The following RIC3 variants were observed in gnomAD, a reference collection of about 807,000 sequenced individuals.
The protein encoded by RIC3 is protein RIC-3.
A neutral mutation model predicts 27.3 loss-of-function variants in RIC3; 28 were observed. The observed-to-expected ratio is 1.02, with a 90% CI of 0.76 to 1.41. RIC3 has a LOEUF of 1.41. Ranked by LOEUF, RIC3 falls within the 40% of genes most tolerant of loss-of-function variation. RIC3 has a pLI of 0.00. For missense variants in RIC3, 501 were observed against 444.7 expected (o/e 1.13, Z -1.14); for synonymous variants, 184 against 160.4 (o/e 1.15, Z -1.11).
chr11:8,093,888 G>A, the RIC3 span, among the ~76,000 whole-genome samples: 9,641 of 152,242 alleles, frequency 0.063, 389 homozygotes, highest in African/African-American at 0.11. Context: ...GTAGAGATGA[G>A]TGGGCCTGAT....
chr11:8,165,388 T>C (rs906808813), intron 1 of RIC3, among the ~76,000 whole-genome samples: 1 of 147,990 alleles, frequency 6.8e-6, no homozygotes, highest in Non-Finnish European at 1.5e-5. Context: ...ACAACATGGA[T>C]GAACCTTGAA....
chr11:8,143,223 A>C (rs1179441462), intron 1 of RIC3, among the ~76,000 whole-genome samples: 3 of 151,214 alleles, frequency 2.0e-5, no homozygotes, highest in African/African-American at 7.3e-5. Flanking sequence ...AATTAGGAAA[A>C]GAGGAAGTCA....
downstream of RIC3, chr11:8,101,803 A>T (rs1590004082): frequency 9.1e-5 from 80 of 874,914 alleles, no homozygotes; most frequent in Non-Finnish European, 1.0e-4. Flanking sequence ...GAGGCAGGGG[A>T]GTAGTGGAGA....
At chr11:8,098,954 C>A in the RIC3 span, 1 of 1,058,038 alleles carries the variant, frequency 9.5e-7, no homozygotes, top group Non-Finnish European at 1.5e-6. Context: ...TAGGGGCTAT[C>A]CCATCCATCT....
intron 4 of RIC3, among the ~76,000 whole-genome samples, chr11:8,131,090 A>C (rs756054368): frequency 6.8e-6 from 1 of 146,078 alleles, no homozygotes; most frequent in Non-Finnish European, 1.5e-5. Flanking sequence ...CCTGTATCAA[A>C]AATAGGCATT....
At chr11:8,115,594 G>A (rs1247634671) in intron 5 of RIC3, among the ~76,000 whole-genome samples, 1 of 152,114 alleles carries the variant, frequency 6.6e-6, no homozygotes, top group African/African-American at 2.4e-5. Context: ...GATCACCTGA[G>A]GTCAGGAGTT....
chr11:8,143,336 G>A (rs991700273), intron 1 of RIC3, among the ~76,000 whole-genome samples: 1 of 151,512 alleles, frequency 6.6e-6, no homozygotes, highest in African/African-American at 2.4e-5. Context: ...AAAGTCTCAG[G>A]ATACAAAATC....
intron 5 of RIC3, among the ~76,000 whole-genome samples, chr11:8,122,180 T>C (rs960642842): frequency 1.3e-5 from 2 of 152,210 alleles, no homozygotes; most frequent in African/African-American, 2.4e-5. Flanking sequence ...ATAGTCAGTA[T>C]ACAGAACATT....
chr11:8,168,688 G>T (rs1456636243), intron 1 of RIC3, among the ~76,000 whole-genome samples, 178 bp downstream of exon 1: 2 of 152,204 alleles, frequency 1.3e-5, no homozygotes, highest in Non-Finnish European at 2.9e-5. Flanking sequence ...GCCGCCACCC[G>T]CTGATAACAA....
At chr11:8,166,064 C>T (rs1951669987) in intron 1 of RIC3, among the ~76,000 whole-genome samples, 1 of 152,328 alleles carries the variant, frequency 6.6e-6, no homozygotes, top group Non-Finnish European at 1.5e-5. Flanking sequence ...GCTGGGATTA[C>T]AGGCATGAGC....
In RIC3 at chr11:8,108,466, G is replaced by A. The variant is rs952068762; in HGVS notation, c.*2232C>T. On this transcript the variant is annotated 3_prime_UTR_variant, in exon 6 of 6. Coordinates refer to ENST00000309737, the MANE Select transcript of RIC3 (RefSeq NM_001206671.4). Reference sequence around the variant, plus strand: ...TAAAAACATAATTACCACTTAATGAGTGGTTATCATGTATGAGCTAGAACC... The same window carrying A: ...TAAAAACATAATTACCACTTAATGAATGGTTATCATGTATGAGCTAGAACC... The A allele has an allele frequency of 6.6e-6, 1 of 152,156 alleles. No individual in the cohort carries two copies. Among genetic ancestry groups the A allele is most frequent in the African/African-American group, 2.4e-5 (1 of 41,414 alleles). The allele number at this position is 152,156 out of a possible 1,614,324, so 9.4% of individuals were successfully genotyped here. A position where few individuals can be genotyped will look rare whatever the true frequency, so the allele number is the denominator to read the frequency against.
At position 8,140,005 on chromosome 11, in the gene RIC3, A is replaced by T; in HGVS notation, c.313T>A (p.Phe105Ile). The T allele has an allele frequency of 6.2e-7, 1 of 1,614,104 alleles. No individual in the cohort carries two copies. Among genetic ancestry groups the T allele is most frequent in the Non-Finnish European group, 8.5e-7 (1 of 1,180,030 alleles). The change falls in exon 2 of 6, where the codon TTT (phenylalanine) becomes ATT (isoleucine). Residue 105 changes from phenylalanine (F) to isoleucine (I), a missense_variant. By Grantham distance (21) the Phe-to-Ile change is conservative. Transcript: ENST00000309737. ...TACAGTATATATAAAAAAATCCCAA[A>T]ACCGTAGATTGGAATAATCTGCCCC... Reference protein sequence around the residue: ...LMGQIIPIYGFGIFLYILYIL... With the variant: ...LMGQIIPIYGIGIFLYILYIL...
In RIC3 at chr11:8,126,873, A is replaced by G. The variant is rs779291262; in HGVS notation, c.522-66T>C. 4 of 1,586,434 alleles carry G rather than the reference A, an allele frequency of 2.5e-6. No homozygotes were observed. The Admixed American group carries it at 6.7e-5, about 26-fold the overall frequency. On this transcript the variant is annotated intron_variant, in intron 4 of 5. Transcript: ENST00000309737. ...CTCCTAGGCAATGGACGTAAACATC[A>G]CTATGGTCTGTCTGGGTACTGGAAT...
rs1209714617 is a variant in RIC3, at chr11:8,151,511, G to A, written c.125-11318C>T. Among the ~76,000 whole-genome samples the A allele has an allele frequency of 4.3e-4, 60 of 138,360 alleles. 1 individual carries two copies. The highest frequency in any genetic ancestry group is 1.6e-3 in the African/African-American group (57 of 34,770). 90.8% of individuals were successfully genotyped at this position (138,360 alleles called of 152,430 possible). On this transcript the variant is annotated intron_variant, in intron 1 of 5. Coordinates refer to ENST00000309737, the MANE Select transcript of RIC3 (RefSeq NM_001206671.4). ...TGAGGCAGGAGAATGGCGTGAACCCGGGAGGCGGAGCTTGCAGTGAGTCGA... is the reference window on the plus strand; with the variant it reads ...TGAGGCAGGAGAATGGCGTGAACCCAGGAGGCGGAGCTTGCAGTGAGTCGA...
At chr11:8,101,276 C>T (rs559257714), downstream of RIC3, among the ~76,000 whole-genome samples, 2 of 152,328 alleles carry the variant, frequency 1.3e-5, no homozygotes, top group African/African-American at 2.4e-5. Flanking sequence ...CTGGTGTTCA[C>T]ATGCATCTTA....
At chr11:8,139,800 C>T in intron 2 of RIC3, 167 bp downstream of exon 2, 1 of 646,398 alleles carries the variant, frequency 1.5e-6, no homozygotes, top group Non-Finnish European at 2.6e-6. Flanking sequence ...TTATGTGAAA[C>T]TGAAATAATG....
chr11:8,120,710 T>TA (rs950805688), intron 5 of RIC3, among the ~76,000 whole-genome samples: 8 of 146,236 alleles, frequency 5.5e-5, no homozygotes, highest in Admixed American at 1.4e-4. Flanking sequence ...AAATATAATT[T>TA]AAAAAAAAAA....
chr11:8,148,475 T>C (rs536883254), intron 1 of RIC3, among the ~76,000 whole-genome samples: 85 of 152,348 alleles, frequency 5.6e-4, no homozygotes, highest in African/African-American at 1.9e-3. Context: ...CTAATATTTG[T>C]AGTATTATGT....
chr11:8,100,389 A>T, the RIC3 span: 6 of 808,284 alleles, frequency 7.4e-6, no homozygotes, highest in Non-Finnish European at 1.3e-5. Context: ...TGTGTGTTAG[A>T]CTTCGGAGTG....
Sources: gnomAD v4.1 joint callset for allele counts (sites outside exome capture counted in the v4.1 genomes callset) on GRCh38, gnomAD v4.1.1 for gene constraint, MANE v1.5 for transcripts, NCBI Gene and HGNC (gene_info 2026-07-23, HGNC 2026-07-21) for gene names.